Variants in ARHGAP1 observed in about 807,000 individuals in gnomAD.
The protein encoded by ARHGAP1 is Rho GTPase activating protein 1.
A neutral mutation model predicts 52.2 loss-of-function variants in ARHGAP1; 23 were observed. That is an observed-to-expected ratio of 0.44 (90% CI 0.32 to 0.62). The LOEUF (loss-of-function observed/expected upper bound fraction) is 0.62. Among genes scored for constraint, ARHGAP1 ranks in the 20% least tolerant of loss-of-function variants. ARHGAP1 has a pLI of 0.05. For synonymous variants in ARHGAP1, 210 were observed against 228.4 expected, an observed-to-expected ratio of 0.92 and a Z score of 0.73; for missense variants, 480 against 560.9, an observed-to-expected ratio of 0.86 and a Z score of 1.46.
At position 46,681,058 on chromosome 11, in the gene ARHGAP1, G is replaced by A. The variant is rs113273807; in HGVS notation, c.588C>T (p.Ser196=). 7.0e-3 allele frequency: 11,273 copies of A among 1,614,036 alleles called. 686 individuals carry two copies. The African/African-American group carries it at 0.13, about 18-fold the overall frequency. The change falls in exon 7 of 13, where the codon AGC becomes AGT. Residue 196 remains serine, a synonymous_variant. Coordinates refer to ENST00000311956, the MANE Select transcript of ARHGAP1 (RefSeq NM_004308.5). The surrounding 1 kb of genome is among the most constrained non-coding windows in gnomAD (Gnocchi z 5.7). ...IFYVNYLSEL[S]EHVKLEQLGI... is the part of the protein sequence containing the mutation. ...CCAGCTGCTCCAGCTTCACGTGCTC[G>A]CTCAGCTCGCTCAGGTAATTCACAT...
Position 46,679,849 on chromosome 11 carries a change from C to T in ARHGAP1, c.899-73G>A, listed in dbSNP as rs530638256. 153 of 1,595,782 alleles carry T rather than the reference C, an allele frequency of 9.6e-5. No individual in the cohort carries two copies. The East Asian group carries it at 3.0e-3, about 31-fold the overall frequency. On this transcript the variant is annotated intron_variant, in intron 10 of 12. Transcript: ENST00000311956. The surrounding 1 kb of genome is among the most constrained non-coding windows in gnomAD (Gnocchi z 4.4). ...GCACCCATCTGCAGACAACGCGGGC[C>T]GCACTGCCTGACTGCCCCTGGACAC...
At position 46,681,530 on chromosome 11, in the gene ARHGAP1, T is replaced by C; in HGVS notation, c.450-151A>G. On this transcript the variant is annotated intron_variant, in intron 5 of 12. Transcript: ENST00000311956. This position sits in a 1 kb window ranked among gnomAD's most constrained non-coding sequence, Gnocchi z 5.7. ...CTCATTGCAGCCTCCACCTCCCGGA[T>C]TCAAGCTATTCTCCTGCCTCAGCCT... The C allele has an allele frequency of 1.6e-6, 1 of 617,900 alleles. No individual in the cohort carries two copies. Among genetic ancestry groups the C allele is most frequent in the Non-Finnish European group, 2.9e-6 (1 of 340,840 alleles). The allele number at this position is 617,900 out of a possible 1,614,324, so 38.3% of individuals were successfully genotyped here. A position where few individuals can be genotyped will look rare whatever the true frequency, so the allele number is the denominator to read the frequency against.
At chr11:46,695,191 G>C (rs73454018) in intron 3 of ARHGAP1, 1 of 342,308 alleles carries the variant, frequency 2.9e-6, no homozygotes, top group Admixed American at 3.9e-5. Context: ...CAGGAATCTG[G>C]TGCTCCAGGG....
chr11:46,679,153 A>T lies in ARHGAP1; in HGVS notation c.1204T>A (p.Trp402Arg). ...AGGGTGATGGCCGCATCCTTGGCCC[A>T]CAGCAGGTTAGGGCCGAAAACAACA... ...LAVVFGPNLL[W>R]AKDAAITLKA... is the part of the protein sequence containing the mutation. Residue 402 changes from tryptophan to arginine, a missense_variant, in exon 13 of 13, where the codon TGG becomes AGG. Physicochemically the swap from Trp to Arg is moderately radical, Grantham distance 101. Coordinates refer to ENST00000311956, the MANE Select transcript of ARHGAP1 (RefSeq NM_004308.5). The surrounding 1 kb of genome is among the most constrained non-coding windows in gnomAD (Gnocchi z 4.4). 1 of 1,613,942 alleles carries T rather than the reference A, an allele frequency of 6.2e-7. No homozygotes were observed. Among genetic ancestry groups the T allele is most frequent in the Non-Finnish European group, 8.5e-7 (1 of 1,179,894 alleles).
intron 4 of ARHGAP1, among the ~76,000 whole-genome samples, chr11:46,683,008 G>A (rs2064540393): frequency 1.3e-5 from 2 of 151,232 alleles, no homozygotes; most frequent in Non-Finnish European, 2.9e-5. Context: ...GGTAGATCCT[G>A]GAAGTGAAGT....
rs748000014 is a variant in ARHGAP1, at chr11:46,695,924, G to A, written c.133+51C>T. 12 of 1,613,054 alleles carry A rather than the reference G, an allele frequency of 7.4e-6. No individual in the cohort carries two copies. The Admixed American group carries it at 1.7e-4, about 22-fold the overall frequency. On this transcript the variant is annotated intron_variant, in intron 2 of 12. Coordinates refer to ENST00000311956, the MANE Select transcript of ARHGAP1 (RefSeq NM_004308.5). ...GGCGTCTCCCTTCAGCAGAAGGAGT[G>A]CTTCCCCCTCTAAAGCGCCTGTAGC...
In ARHGAP1 at chr11:46,679,845, G is replaced by A. The variant is rs1396304018; in HGVS notation, c.899-69C>T. 12 of 1,598,348 alleles carry A rather than the reference G, an allele frequency of 7.5e-6. No homozygotes were observed. The highest frequency in any genetic ancestry group is 3.4e-5 in the Admixed American group (2 of 59,614). The stretch of plus-strand genomic sequence containing the variant: ...GGCAGCACCCATCTGCAGACAACGC[G>A]GGCCGCACTGCCTGACTGCCCCTGG... On this transcript the variant is annotated intron_variant, in intron 10 of 12. Coordinates refer to ENST00000311956, the MANE Select transcript of ARHGAP1 (RefSeq NM_004308.5). This position sits in a 1 kb window ranked among gnomAD's most constrained non-coding sequence, Gnocchi z 4.4.
rs543378729 is a variant in ARHGAP1, at chr11:46,677,678, G to A, written c.*1359C>T. 29 of 248,096 alleles carry A rather than the reference G, an allele frequency of 1.2e-4. No homozygotes were observed. Among genetic ancestry groups the A allele is most frequent in the South Asian group, 7.5e-4 (21 of 27,902 alleles). 15.4% of individuals were successfully genotyped at this position (248,096 alleles called of 1,614,324 possible). A position where few individuals can be genotyped will look rare whatever the true frequency, so the allele number is the denominator to read the frequency against. On this transcript the variant is annotated 3_prime_UTR_variant, in exon 13 of 13. Transcript: ENST00000311956. ...TGAAAGACAACAGGGCTGGCCGGGT[G>A]CAGTGGCTCACGCCTGGAATCCCAG...
rs773645063 is a variant in ARHGAP1 at position 46,679,597 on chromosome 11, G to A, written c.1027+51C>T. ...GCGCCTAGGCCCGAAAGCCTGCAGC[G>A]CACCTGCCCCAAGTCCAGCCCCAGG... is the stretch of plus-strand genomic sequence containing the variant. On this transcript the variant is annotated intron_variant, in intron 11 of 12. Transcript: ENST00000311956. The surrounding 1 kb of genome is among the most constrained non-coding windows in gnomAD (Gnocchi z 4.4). The A allele has an allele frequency of 6.8e-6, 11 of 1,611,588 alleles. No individual in the cohort carries two copies. Among genetic ancestry groups the A allele is most frequent in the East Asian group, 2.2e-5 (1 of 44,844 alleles).
chr11:46,691,437 A>G (rs909690679), intron 3 of ARHGAP1, among the ~76,000 whole-genome samples: 1 of 144,668 alleles, frequency 6.9e-6, no homozygotes, highest in Non-Finnish European at 1.5e-5. Flanking sequence ...GGCAGGTGCC[A>G]GCACACCAGG....
intron 4 of ARHGAP1, among the ~76,000 whole-genome samples, chr11:46,686,004 C>T (rs1029440451): frequency 6.9e-6 from 1 of 144,220 alleles, no homozygotes; most frequent in Non-Finnish European, 1.5e-5. Flanking sequence ...TGGAGTTTCG[C>T]TCTGTCACCC....
Position 46,681,274 on chromosome 11 carries a change from C to T in ARHGAP1, c.536+19G>A. ...TTCCAGGCAAGCCGGGACCACCAGC[C>T]CTGCCCGTGGCCACTCACCTGATGA... is the stretch of plus-strand genomic sequence containing the variant. On this transcript the variant is annotated intron_variant, in intron 6 of 12. Coordinates refer to ENST00000311956, the MANE Select transcript of ARHGAP1 (RefSeq NM_004308.5). The surrounding 1 kb of genome is among the most constrained non-coding windows in gnomAD (Gnocchi z 5.7). The T allele has an allele frequency of 6.2e-7, 1 of 1,604,632 alleles. No individual in the cohort carries two copies.
Position 46,680,356 on chromosome 11 carries a change from G to C in ARHGAP1, c.821-74C>G. On this transcript the variant is annotated intron_variant, in intron 9 of 12. Transcript: ENST00000311956. The surrounding 1 kb of genome is among the most constrained non-coding windows in gnomAD (Gnocchi z 5.9). ...GGATTCCCTGCCCCTTCTCTGTCTTGGGGTTCTAGGCAGGGCTGGGTGGGG... is the reference window on the plus strand; with the variant it reads ...GGATTCCCTGCCCCTTCTCTGTCTTCGGGTTCTAGGCAGGGCTGGGTGGGG... The C allele has an allele frequency of 6.3e-7, 1 of 1,587,644 alleles. No homozygotes were observed. Among genetic ancestry groups the C allele is most frequent in the Non-Finnish European group, 8.6e-7 (1 of 1,156,986 alleles).
rs750150951 is a variant in ARHGAP1 at position 46,679,678 on chromosome 11, C to T, written c.997G>A (p.Asp333Asn). The T allele has an allele frequency of 5.0e-6, 8 of 1,613,970 alleles. 1 individual carries two copies. In the South Asian group the frequency reaches 8.8e-5, roughly 18 times the overall value. ...RELPEPLLTF[D>N]LYPHVVGFLN... ...AAGCCCACCACATGGGGGTAGAGGT[C>T]AAAGGTGAGCAGGGGCTCAGGAAGC... Residue 333 changes from aspartate to asparagine, a missense_variant, in exon 11 of 13, where the codon GAC becomes AAC. Transcript: ENST00000311956. This position sits in a 1 kb window ranked among gnomAD's most constrained non-coding sequence, Gnocchi z 4.4.
rs1301674389 is a variant in ARHGAP1, at chr11:46,677,959, AG to A, written c.*1077del. On this transcript the variant is annotated 3_prime_UTR_variant, in exon 13 of 13. Transcript: ENST00000311956. ...CTCCATCTCAGAAAAAAAAAAAAAA[AG>A]GTGGCCCTAGAGCCCCTTAATCCCC... The A allele has an allele frequency of 6.8e-6, 3 of 439,914 alleles. No homozygotes were observed. The highest frequency in any genetic ancestry group is 1.4e-5 in the Non-Finnish European group (3 of 222,146). The allele number at this position is 439,914 out of a possible 1,614,324, so 27.3% of individuals were successfully genotyped here. A position where few individuals can be genotyped will look rare whatever the true frequency, so the allele number is the denominator to read the frequency against.
At chr11:46,695,424 A>G in intron 3 of ARHGAP1, 1 of 603,270 alleles carries the variant, frequency 1.7e-6, no homozygotes, top group Non-Finnish European at 3.1e-6. Context: ...CTAGGCCCTG[A>G]CATGCATTCA....
intron 4 of ARHGAP1, 63 bp downstream of exon 4, chr11:46,688,110 G>A (rs1033540839): frequency 1.0e-4 from 151 of 1,507,046 alleles, no homozygotes; most frequent in Non-Finnish European, 8.4e-5. Context: ...AGTAAAGAAC[G>A]TGGCATTAGG....
At position 46,681,264 on chromosome 11, in the gene ARHGAP1, G is replaced by T; in HGVS notation, c.536+29C>A. ...AGCTTCAGAGTTCCAGGCAAGCCGG[G>T]ACCACCAGCCCTGCCCGTGGCCACT... On this transcript the variant is annotated intron_variant, in intron 6 of 12. Transcript: ENST00000311956. The surrounding 1 kb of genome is among the most constrained non-coding windows in gnomAD (Gnocchi z 5.7). The T allele has an allele frequency of 1.3e-6, 2 of 1,595,424 alleles. No individual in the cohort carries two copies. The highest frequency in any genetic ancestry group is 8.6e-7 in the Non-Finnish European group (1 of 1,163,076).
At chr11:46,683,204 C>CT (rs2064541927) in intron 4 of ARHGAP1, among the ~76,000 whole-genome samples, 1 of 151,958 alleles carries the variant, frequency 6.6e-6, no homozygotes, top group East Asian at 1.9e-4. Context: ...ACACCCGGCT[C>CT]TTTTTTCTAC....
Sources: gnomAD v4.1 joint callset for allele counts (sites outside exome capture counted in the v4.1 genomes callset) on GRCh38, gnomAD v4.1.1 for gene constraint, Gnocchi (gnomAD v3.1) non-coding constraint, MANE v1.5 for transcripts, NCBI Gene and HGNC (gene_info 2026-07-23, HGNC 2026-07-21) for gene names.